PDE8B: variants seen among roughly 807,000 people sequenced by gnomAD.
PDE8B encodes high affinity cAMP-specific and IBMX-insensitive 3',5'-cyclic phosphodiesterase 8B.
In PDE8B, 26 loss-of-function variants were observed where a neutral mutation model predicts 101.3. The observed-to-expected ratio is 0.26, with a 90% CI of 0.19 to 0.36. The LOEUF (loss-of-function observed/expected upper bound fraction) is 0.36, where lower values mean the gene tolerates loss of function less well. Ranked by LOEUF, PDE8B falls within the 10% of genes least tolerant of loss-of-function variation. The pLI, the probability that PDE8B is intolerant of heterozygous loss-of-function variation, is 1.00. For missense variants in PDE8B, 810 were observed against 1,163.1 expected (o/e 0.70, Z 4.42); for synonymous variants, 424 against 429.3 (o/e 0.99, Z 0.15).
chr5:77,402,019 T>A (rs746584596), intron 11 of PDE8B, among the ~76,000 whole-genome samples: 4 of 152,222 alleles, frequency 2.6e-5, no homozygotes, highest in Non-Finnish European at 4.4e-5. Flanking sequence ...GTTTAGAAAC[T>A]ACATTTTGAG....
intron 10 of PDE8B, among the ~76,000 whole-genome samples, chr5:77,370,778 A>G (rs1784947506): frequency 6.6e-6 from 1 of 152,220 alleles, no homozygotes; most frequent in South Asian, 2.1e-4. Context: ...GCCAAGAACA[A>G]TGTATGAGGG....
At chr5:77,273,918 G>A (rs1007622042) in intron 1 of PDE8B, among the ~76,000 whole-genome samples, 31 of 151,994 alleles carry the variant, frequency 2.0e-4, no homozygotes, top group African/African-American at 7.5e-4. Context: ...CGCCTCTTGA[G>A]TTCAAGCAAT....
intron 2 of PDE8B, among the ~76,000 whole-genome samples, chr5:77,319,696 A>C (rs527369234): frequency 6.6e-6 from 1 of 152,344 alleles, no homozygotes; most frequent in South Asian, 2.1e-4. Flanking sequence ...GGCAAAAAGG[A>C]TGAAGATGTC....
At chr5:77,180,823 C>T in the PDE8B span, among the ~76,000 whole-genome samples, 1 of 152,248 alleles carries the variant, frequency 6.6e-6, no homozygotes, top group East Asian at 1.9e-4. Context: ...GCTCCTCGGG[C>T]TGCTGTTGCG....
the PDE8B span, among the ~76,000 whole-genome samples, chr5:77,116,965 C>G: frequency 4.6e-5 from 7 of 152,224 alleles, no homozygotes; most frequent in Admixed American, 4.6e-4. Flanking sequence ...CCCCCAGGCT[C>G]TCAGCCAGTC....
chr5:77,210,583 G>A, upstream of PDE8B: 1 of 973,404 alleles, frequency 1.0e-6, no homozygotes, highest in Non-Finnish European at 1.2e-6. The surrounding 1 kb of genome is among the most constrained non-coding windows in gnomAD (Gnocchi z 4.9). Flanking sequence ...CGGCGGCGGG[G>A]GCCGCGCCGA....
chr5:77,254,403 T>C (rs1389300262), intron 1 of PDE8B, among the ~76,000 whole-genome samples: 1 of 152,152 alleles, frequency 6.6e-6, no homozygotes, highest in African/African-American at 2.4e-5. Context: ...AAAATTGAAA[T>C]AATTGCACTG....
At chr5:77,167,935 G>A in the PDE8B span, among the ~76,000 whole-genome samples, 1 of 151,978 alleles carries the variant, frequency 6.6e-6, no homozygotes, top group Non-Finnish European at 1.5e-5. Context: ...ACCACACAAG[G>A]GGGTAACATG....
intron 1 of PDE8B, among the ~76,000 whole-genome samples, chr5:77,259,582 C>T (rs1760051533): frequency 6.6e-6 from 1 of 152,188 alleles, no homozygotes; most frequent in Non-Finnish European, 1.5e-5. Flanking sequence ...CTACTGCCCT[C>T]ACTTGGAAGG....
chr5:77,144,756 T>C, the PDE8B span: 2 of 152,076 alleles, frequency 1.3e-5, no homozygotes, highest in Admixed American at 6.6e-5. Context: ...CCGTCCATTC[T>C]CTTCACCGAA....
the PDE8B span, chr5:77,142,402 C>G: frequency 6.6e-6 from 1 of 152,176 alleles, no homozygotes; most frequent in Non-Finnish European, 1.5e-5. Flanking sequence ...GGAATCTTTA[C>G]CACAATCAAC....
chr5:77,179,675 G>C, the PDE8B span, among the ~76,000 whole-genome samples: 4 of 152,310 alleles, frequency 2.6e-5, no homozygotes, highest in East Asian at 7.7e-4. Flanking sequence ...ATCCGTGTTT[G>C]ACTCATGTTT....
the PDE8B span, among the ~76,000 whole-genome samples, chr5:77,170,850 G>A: frequency 6.6e-6 from 1 of 152,120 alleles, no homozygotes; most frequent in Non-Finnish European, 1.5e-5. Context: ...AATAACTTTG[G>A]TTGCTAATTC....
chr5:77,272,606 C>T (rs74896075), intron 1 of PDE8B, among the ~76,000 whole-genome samples: 2,611 of 152,280 alleles, frequency 0.017, 63 homozygotes, highest in African/African-American at 0.06. Flanking sequence ...CTACTGCTTG[C>T]CACCCTGGAA....
At chr5:77,289,836 A>G (rs1238980927) in intron 1 of PDE8B, among the ~76,000 whole-genome samples, 1 of 152,208 alleles carries the variant, frequency 6.6e-6, no homozygotes, top group East Asian at 1.9e-4. Flanking sequence ...TAGATAATCT[A>G]GAAGTTGACA....
At chr5:77,189,626 G>A in the PDE8B span, among the ~76,000 whole-genome samples, 1 of 152,212 alleles carries the variant, frequency 6.6e-6, no homozygotes, top group African/African-American at 2.4e-5. Flanking sequence ...CCCTGAAGGA[G>A]CATGTCGGCA....
intron 1 of PDE8B, among the ~76,000 whole-genome samples, chr5:77,310,054 A>T (rs935956514): frequency 1.4e-5 from 2 of 145,326 alleles, no homozygotes; most frequent in Non-Finnish European, 3.0e-5. Flanking sequence ...GGTTCAAGCG[A>T]TTCTCCTGCC....
At chr5:77,318,192 G>GCTGA (rs1250266284) in intron 2 of PDE8B, among the ~76,000 whole-genome samples, 2 of 151,970 alleles carry the variant, frequency 1.3e-5, no homozygotes, top group East Asian at 1.9e-4. Flanking sequence ...CTCATAGGGA[G>GCTGA]CTGACCTTCA....
rs112925965 is a variant in PDE8B, at chr5:77,233,322, T to C, written c.339+22058T>C. Among the ~76,000 whole-genome samples the C allele has an allele frequency of 3.8e-3, 574 of 152,256 alleles. 2 individuals are homozygous for C. Among genetic ancestry groups the C allele is most frequent in the African/African-American group, 0.013 (544 of 41,538 alleles). On this transcript the variant is annotated intron_variant, in intron 1 of 21. Coordinates refer to ENST00000264917, the MANE Select transcript of PDE8B (RefSeq NM_003719.5). The stretch of plus-strand genomic sequence containing the variant: ...ATGGAAATGGTGCCACAGGCTTGCT[T>C]TCTGGGCTAAGCAGTCCTACATCCC...
Sources: allele counts gnomAD v4.1 joint callset (sites outside exome capture counted in the v4.1 genomes callset), GRCh38; gene constraint gnomAD v4.1.1; non-coding constraint Gnocchi (gnomAD v3.1); transcripts MANE v1.5; gene names NCBI Gene and HGNC (gene_info 2026-07-23, HGNC 2026-07-21).